Variants in STK31 observed in about 807,000 individuals in gnomAD.
STK31 encodes serine/threonine kinase 31.
In STK31, 89 loss-of-function variants were observed where a neutral mutation model predicts 129.7. The ratio of observed to expected loss-of-function variants is 0.69; its 90% CI spans 0.58 to 0.82. STK31 has a LOEUF of 0.82. Ranked by LOEUF, STK31 falls within the 40% of genes least tolerant of loss-of-function variation. STK31 has a pLI of 0.00. For synonymous variants in STK31, 448 were observed against 395.3 expected, an observed-to-expected ratio of 1.13 and a Z score of -1.58; for missense variants, 1,187 against 1,176.4, an observed-to-expected ratio of 1.01 and a Z score of -0.13.
intron 23 of STK31, among the ~76,000 whole-genome samples, chr7:23,826,781 C>A (rs1794180496): frequency 6.6e-6 from 1 of 152,150 alleles, no homozygotes; most frequent in South Asian, 2.1e-4. Flanking sequence ...TCTTTTAGGG[C>A]AGGTCTGGTG....
chr7:23,741,976 T>C (rs1190287191), intron 8 of STK31, among the ~76,000 whole-genome samples: 1 of 152,238 alleles, frequency 6.6e-6, no homozygotes, highest in Non-Finnish European at 1.5e-5. Context: ...CCTGGGATAC[T>C]GGGGCACCAC....
At chr7:23,769,589 A>G (rs750017957) in intron 12 of STK31, 51 bp from the exon 13 acceptor site, 1 of 1,246,246 alleles carries the variant, frequency 8.0e-7, no homozygotes, top group Non-Finnish European at 1.2e-6. Context: ...GGCACGATGA[A>G]TGCTGATTGA....
At chr7:23,813,729 G>A (rs1360943647) in intron 22 of STK31, among the ~76,000 whole-genome samples, 2 of 152,174 alleles carry the variant, frequency 1.3e-5, no homozygotes, top group Admixed American at 1.3e-4. Flanking sequence ...CTAAGTATGG[G>A]AATGGAGACC....
chr7:23,783,136 A>G (rs915085894), intron 16 of STK31, among the ~76,000 whole-genome samples: 3 of 152,214 alleles, frequency 2.0e-5, no homozygotes, highest in African/African-American at 7.2e-5. Context: ...AGTGGCTTTC[A>G]GAAATTGGCA....
intron 8 of STK31, among the ~76,000 whole-genome samples, chr7:23,746,935 G>A (rs1255924492): frequency 6.6e-6 from 1 of 150,630 alleles, no homozygotes; most frequent in East Asian, 1.9e-4. Context: ...TTCTCAATAA[G>A]TTATACAAGG....
chr7:23,716,576 G>T (rs2128061894), intron 3 of STK31, among the ~76,000 whole-genome samples: 1 of 152,018 alleles, frequency 6.6e-6, no homozygotes, highest in East Asian at 1.9e-4. Flanking sequence ...TTATTAATTG[G>T]AATTCTTCTG....
chr7:23,778,876 C>G (rs1419972044), intron 15 of STK31, among the ~76,000 whole-genome samples: 1 of 152,084 alleles, frequency 6.6e-6, no homozygotes, highest in Non-Finnish European at 1.5e-5. Flanking sequence ...TGTTCCGTTG[C>G]TGGCGAGGAC....
At chr7:23,781,638 A>G in intron 16 of STK31, 118 bp downstream of exon 16, 1 of 617,348 alleles carries the variant, frequency 1.6e-6, no homozygotes, top group Non-Finnish European at 2.7e-6. Flanking sequence ...TAGAAAGTTT[A>G]TATATATATT....
intron 4 of STK31, chr7:23,721,533 T>A: frequency 1.0e-6 from 1 of 953,312 alleles, no homozygotes; most frequent in Non-Finnish European, 1.7e-6. Context: ...GTTCTCTGTT[T>A]AACTCTCTTT....
intron 22 of STK31, among the ~76,000 whole-genome samples, chr7:23,796,691 C>A (rs114825680): frequency 3.5e-3 from 539 of 152,250 alleles, no homozygotes; most frequent in African/African-American, 0.013. Context: ...CCTCCCAACC[C>A]TTAAACGCTG....
chr7:23,780,616 G>T (rs1415362549), intron 15 of STK31, among the ~76,000 whole-genome samples: 3 of 152,164 alleles, frequency 2.0e-5, no homozygotes, highest in African/African-American at 7.2e-5. Flanking sequence ...CAGTGAATCT[G>T]CATTTTTACA....
At chr7:23,780,331 C>A (rs1790840424) in intron 15 of STK31, among the ~76,000 whole-genome samples, 1 of 152,136 alleles carries the variant, frequency 6.6e-6, no homozygotes, top group South Asian at 2.1e-4. Flanking sequence ...AAGTGTAAAC[C>A]AAACTATCTG....
At chr7:23,767,339 T>C (rs537505672) in intron 11 of STK31, among the ~76,000 whole-genome samples, 1 of 152,230 alleles carries the variant, frequency 6.6e-6, no homozygotes, top group South Asian at 2.1e-4. Context: ...TGTGTAGTTA[T>C]ATGAAGGGCC....
intron 4 of STK31, among the ~76,000 whole-genome samples, chr7:23,725,601 T>A (rs955533376): frequency 1.3e-5 from 2 of 152,166 alleles, no homozygotes; most frequent in Non-Finnish European, 2.9e-5. Context: ...CAATCATGGC[T>A]TACTTCATTT....
chr7:23,827,072 G>T (rs1362303356), intron 23 of STK31, among the ~76,000 whole-genome samples: 3 of 152,056 alleles, frequency 2.0e-5, no homozygotes, highest in African/African-American at 2.4e-5. Flanking sequence ...ACAATTATGT[G>T]TCTTGGAGTT....
rs188501453 is a variant in STK31, at chr7:23,830,194, T to A, written c.2830-1942T>A. On this transcript the variant is annotated intron_variant, in intron 23 of 23. Coordinates refer to ENST00000355870, the MANE Select transcript of STK31 (RefSeq NM_031414.5). ...CTGATTGTGTTTATTGCAGCTTTTT[T>A]AAAGTTTTAGTACAGCTAGCAGTTT... 1.9e-3 allele frequency among the ~76,000 whole-genome samples: 296 copies of A among 152,296 alleles called. 2 individuals are homozygous for A. Among genetic ancestry groups the A allele is most frequent in the Middle Eastern group, 3.4e-3 (1 of 294 alleles).
In STK31 at chr7:23,711,188, C is replaced by A. The variant is rs953818846; in HGVS notation, c.50+853C>A. On this transcript the variant is annotated intron_variant, in intron 1 of 23. Coordinates refer to ENST00000355870, the MANE Select transcript of STK31 (RefSeq NM_031414.5). ...TTGCGGTGGCTTAGGCCTGTAATCCCGGCACTTTGAGAGGCCGAGGTGGGC... is the reference window on the plus strand; with the variant it reads ...TTGCGGTGGCTTAGGCCTGTAATCCAGGCACTTTGAGAGGCCGAGGTGGGC... 7.2e-5 allele frequency among the ~76,000 whole-genome samples: 11 copies of A among 152,148 alleles called. 1 individual carries two copies. In the South Asian group the frequency reaches 2.3e-3, roughly 32 times the overall value.
intron 19 of STK31, 94 bp from the exon 20 acceptor site, chr7:23,786,744 C>T (rs1404054093): frequency 1.4e-5 from 22 of 1,540,902 alleles, no homozygotes; most frequent in Non-Finnish European, 1.8e-5. Context: ...TTCCCCTTAA[C>T]ATAAAAGAAA....
At chr7:23,723,676 T>C (rs1358843268) in intron 4 of STK31, among the ~76,000 whole-genome samples, 23 of 152,184 alleles carry the variant, frequency 1.5e-4, no homozygotes, top group African/African-American at 2.4e-5. Context: ...TCATAGGCTA[T>C]GAATAGTGGA....
Sources: allele counts gnomAD v4.1 joint callset (sites outside exome capture counted in the v4.1 genomes callset), GRCh38; gene constraint gnomAD v4.1.1; transcripts MANE v1.5; gene names NCBI Gene and HGNC (gene_info 2026-07-23, HGNC 2026-07-21).